The following PIK3CD variants were observed in gnomAD, a reference collection of about 807,000 sequenced individuals.
PIK3CD encodes phosphatidylinositol 4,5-bisphosphate 3-kinase catalytic subunit delta isoform.
In PIK3CD, 20 loss-of-function variants were observed where a neutral mutation model predicts 122.9. The ratio of observed to expected loss-of-function variants is 0.16; its 90% CI spans 0.11 to 0.24. The LOEUF is 0.24. Ranked by LOEUF, PIK3CD falls within the 10% of genes least tolerant of loss-of-function variation. The pLI is 1.00. For synonymous variants in PIK3CD, 596 were observed against 593.4 expected (o/e 1.00, Z -0.06); for missense variants, 787 against 1,406.3 (o/e 0.56, Z 7.04).
In PIK3CD at chr1:9,689,351, G is replaced by T. The variant is rs940378955; in HGVS notation, c.-137-2116G>T. On this transcript the variant is annotated intron_variant, in intron 1 of 23. Transcript: ENST00000377346. The surrounding 1 kb of genome is among the most constrained non-coding windows in gnomAD (Gnocchi z 6.1). ...GGCGAGAACAGCGGGGGTCGGGGAG[G>T]ATTTGCAGCGTCCACTCCTCTCTCC... Among the ~76,000 whole-genome samples the T allele has an allele frequency of 6.6e-6, 1 of 152,040 alleles. No homozygotes were observed. Among genetic ancestry groups the T allele is most frequent in the Non-Finnish European group, 1.5e-5 (1 of 67,970 alleles).
At position 9,679,886 on chromosome 1, in the gene PIK3CD, G is replaced by A. The variant is rs138258369; in HGVS notation, c.-137-11581G>A. 0.021 allele frequency among the ~76,000 whole-genome samples: 3,151 copies of A among 152,166 alleles called. 249 individuals are homozygous for A. The East Asian group carries it at 0.23, about 11-fold the overall frequency. ...GTCACACAGGCTGAAGTGCAGTGGC[G>A]TGATCTCGGCTCATTGCAACCTCTG... On this transcript the variant is annotated intron_variant, in intron 1 of 23. Coordinates refer to ENST00000377346, the MANE Select transcript of PIK3CD (RefSeq NM_005026.5).
At position 9,686,366 on chromosome 1, in the gene PIK3CD, T is replaced by TTTC. The variant is rs1491341579; in HGVS notation, c.-137-5099_-137-5098insCTT. 4.2e-3 allele frequency among the ~76,000 whole-genome samples: 422 copies of TTTC among 99,392 alleles called. 3 individuals are homozygous for TTTC. The highest frequency in any genetic ancestry group is 8.0e-3 in the Admixed American group (69 of 8,604). 65.2% of individuals were successfully genotyped at this position (99,392 alleles called of 152,430 possible). A position where few individuals can be genotyped will look rare whatever the true frequency, so the allele number is the denominator to read the frequency against. On this transcript the variant is annotated intron_variant, in intron 1 of 23. Coordinates refer to ENST00000377346, the MANE Select transcript of PIK3CD (RefSeq NM_005026.5). ...ATGCCACCATGCCAGGCTAATTTTC[T>TTTC]TTTTTTTTTTTTTTTAGTAGAGACG...
In PIK3CD at chr1:9,726,911, C is replaced by T; in HGVS notation, c.3000C>T (p.Asp1000=). The change falls in exon 24 of 24, where the codon GAC becomes GAT. Residue 1000 remains aspartate, a splice_region_variant and synonymous_variant. Coordinates refer to ENST00000377346, the MANE Select transcript of PIK3CD (RefSeq NM_005026.5). ...ACACCGCTGTGATTTGTTTGCAGGA[C>T]TCCCTGGCACTGGGGAAAACAGAGG... ...SCSKDIQYLK[D]SLALGKTEEE... is the part of the protein sequence containing the mutation. 1.2e-6 allele frequency: 2 copies of T among 1,613,858 alleles called. No homozygotes were observed. The highest frequency in any genetic ancestry group is 1.3e-5 in the African/African-American group (1 of 75,050).
intron 1 of PIK3CD, among the ~76,000 whole-genome samples, chr1:9,665,983 A>G (rs978180634): frequency 2.0e-5 from 3 of 151,934 alleles, no homozygotes; most frequent in South Asian, 2.1e-4. Flanking sequence ...CTGGAGTGCA[A>G]TGGCACAATC....
intron 2 of PIK3CD, among the ~76,000 whole-genome samples, chr1:9,695,436 T>C (rs571288474): frequency 1.3e-5 from 2 of 152,272 alleles, no homozygotes; most frequent in African/African-American, 4.8e-5. Flanking sequence ...GACATCATCA[T>C]GAACTTTCAA....
At chr1:9,653,231 GGGTGCCTGAC>G (rs1644733561) in intron 1 of PIK3CD, 1 of 157,572 alleles carries the variant, frequency 6.3e-6, no homozygotes, top group Non-Finnish European at 1.4e-5. Context: ...GATACCGCCC[GGGTGCCTGAC>G]GGTGCCTTGG....
At chr1:9,694,975 A>G (rs922817776) in intron 2 of PIK3CD, among the ~76,000 whole-genome samples, 4 of 115,832 alleles carry the variant, frequency 3.5e-5, no homozygotes, top group Non-Finnish European at 5.5e-5. Flanking sequence ...AACAAAAAAG[A>G]GAGAGAGAGA....
At chr1:9,657,254 C>T (rs1644884316) in intron 1 of PIK3CD, among the ~76,000 whole-genome samples, 1 of 152,206 alleles carries the variant, frequency 6.6e-6, no homozygotes, top group African/African-American at 2.4e-5. Context: ...AACTTACTTA[C>T]ATCTGCAAAG....
intron 1 of PIK3CD, among the ~76,000 whole-genome samples, chr1:9,678,122 C>G (rs536022094): frequency 1.4e-5 from 2 of 141,226 alleles, no homozygotes; most frequent in Non-Finnish European, 3.0e-5. Context: ...CTAGCCTGTG[C>G]AACAAGAGCG....
intron 5 of PIK3CD, 81 bp downstream of exon 5, chr1:9,716,159 G>A: frequency 8.4e-6 from 10 of 1,188,460 alleles, no homozygotes; most frequent in East Asian, 5.0e-5. Context: ...TCAGTCATCC[G>A]CAAGCCCCCC....
rs12566637 is a variant in PIK3CD at position 9,700,593 on chromosome 1, C to T, written c.-33+9022C>T. 0.15 allele frequency among the ~76,000 whole-genome samples: 23,360 copies of T among 152,068 alleles called. 2,332 individuals are homozygous for T. The highest frequency in any genetic ancestry group is 0.41 in the South Asian group (1,997 of 4,816). ...CGTCCATCACTGGGTGACGCGACCC[C>T]AGCTCCCCGCTCTGTGTCTAGGCCG... On this transcript the variant is annotated intron_variant, in intron 2 of 23. Coordinates refer to ENST00000377346, the MANE Select transcript of PIK3CD (RefSeq NM_005026.5). The surrounding 1 kb of genome is among the most constrained non-coding windows in gnomAD (Gnocchi z 5.1).
At chr1:9,677,335 T>C (rs1271213186) in intron 1 of PIK3CD, among the ~76,000 whole-genome samples, 15 of 152,024 alleles carry the variant, frequency 9.9e-5, no homozygotes, top group Admixed American at 9.8e-4. Flanking sequence ...TAAGAGATAT[T>C]ATATGGCCAT....
At chr1:9,644,552 TAA>T in the PIK3CD span, among the ~76,000 whole-genome samples, 1 of 151,596 alleles carries the variant, frequency 6.6e-6, no homozygotes, top group African/African-American at 2.4e-5. Context: ...AATAAATAAA[TAA>T]ATATGTAACC....
intron 2 of PIK3CD, among the ~76,000 whole-genome samples, chr1:9,707,171 G>A (rs978577581): frequency 6.6e-6 from 1 of 151,790 alleles, no homozygotes; most frequent in Non-Finnish European, 1.5e-5. Flanking sequence ...TGTGGTTCCC[G>A]TTGCCTTTCT....
Position 9,719,816 on chromosome 1 carries a change from T to TA in PIK3CD, c.1243-104dup. On this transcript the variant is annotated intron_variant, in intron 9 of 23. Transcript: ENST00000377346. This position sits in a 1 kb window ranked among gnomAD's most constrained non-coding sequence, Gnocchi z 5.5. ...TCCCAGGGGTCTGGTTGGGAGATGT[T>TA]AGCTGGGCTCTGGGTCTTCTCGGGT... 1 of 922,848 alleles carries TA rather than the reference T, an allele frequency of 1.1e-6. No homozygotes were observed. The allele number at this position is 922,848 out of a possible 1,614,324, so 57.2% of individuals were successfully genotyped here.
the PIK3CD span, among the ~76,000 whole-genome samples, chr1:9,633,022 C>T: frequency 6.6e-6 from 1 of 151,998 alleles, no homozygotes; most frequent in Non-Finnish European, 1.5e-5. Flanking sequence ...CAACCACACC[C>T]GGCTAATTTT....
chr1:9,710,213 A>G lies in PIK3CD; in HGVS notation c.-32-211A>G. ...GCAGTGTCTGCCTGGGAGAAGAGGC[A>G]GCTGAGGCCGTGGCCCGGAGTAGTA... is the stretch of plus-strand genomic sequence containing the variant. On this transcript the variant is annotated intron_variant, in intron 2 of 23. Transcript: ENST00000377346. This position sits in a 1 kb window ranked among gnomAD's most constrained non-coding sequence, Gnocchi z 4.7. The G allele has an allele frequency of 3.7e-6, 2 of 541,674 alleles. No individual in the cohort carries two copies. Among genetic ancestry groups the G allele is most frequent in the Non-Finnish European group, 6.7e-6 (2 of 297,796 alleles). 33.6% of individuals were successfully genotyped at this position (541,674 alleles called of 1,614,324 possible).
chr1:9,672,873 C>T (rs1053441894), intron 1 of PIK3CD, among the ~76,000 whole-genome samples: 2 of 152,086 alleles, frequency 1.3e-5, no homozygotes, highest in Admixed American at 1.3e-4. Context: ...CGCACAGAGT[C>T]CTATATACCT....
chr1:9,693,938 AC>A (rs1052267682), intron 2 of PIK3CD, among the ~76,000 whole-genome samples: 30 of 149,160 alleles, frequency 2.0e-4, no homozygotes, highest in Admixed American at 5.4e-4. Context: ...GTGACAGACC[AC>A]CCCCCCAGGC....
Sources: allele counts gnomAD v4.1 joint callset (sites outside exome capture counted in the v4.1 genomes callset), GRCh38; gene constraint gnomAD v4.1.1; non-coding constraint Gnocchi (gnomAD v3.1); transcripts MANE v1.5; gene names NCBI Gene and HGNC (gene_info 2026-07-23, HGNC 2026-07-21).